The following PUDP variants were observed in gnomAD, a reference collection of about 807,000 sequenced individuals.
PUDP encodes the protein pseudouridine-5'-phosphatase.
In PUDP, 8 loss-of-function variants were observed where a neutral mutation model predicts 9.4. That is an observed-to-expected ratio of 0.85 (90% confidence interval 0.50 to 1.53). The LOEUF is 1.53. Ranked by LOEUF, PUDP falls within the 40% of genes most tolerant of loss-of-function variation. The probability of loss-of-function intolerance (pLI) is 0.00; values close to 1 mark genes in which losing one functional copy is unlikely to be tolerated. For synonymous variants in PUDP, 99 were observed against 80.7 expected (o/e 1.23, Z -1.22); for missense variants, 188 against 189.7 (o/e 0.99, Z 0.05).
intron 3 of PUDP, among the ~76,000 whole-genome samples, chrX:6,879,347 C>T (rs1045889384): frequency 9.0e-6 from 1 of 111,415 alleles, no homozygotes; most frequent in Non-Finnish European, 1.9e-5. Context: ...GTTGATTTTG[C>T]AGAATGGCCT....
intron 1 of PUDP, among the ~76,000 whole-genome samples, chrX:7,037,950 G>T (rs1929874947): frequency 9.0e-6 from 1 of 111,513 alleles, no homozygotes; most frequent in African/African-American, 3.3e-5. Context: ...ATGCAAAAAT[G>T]CTGTTAATGA....
intron 3 of PUDP, among the ~76,000 whole-genome samples, chrX:6,957,120 C>T (rs1394715330): frequency 8.9e-6 from 1 of 111,832 alleles, no homozygotes; most frequent in African/African-American, 3.3e-5. Context: ...GTGCCTTATC[C>T]CAAATAACTG....
chrX:6,931,912 CTA>C (rs1362368906), intron 3 of PUDP, among the ~76,000 whole-genome samples: 4 of 112,014 alleles, frequency 3.6e-5, no homozygotes, highest in Non-Finnish European at 7.5e-5. Flanking sequence ...AAAAACCTCT[CTA>C]ATGAGGTTTT....
At chrX:7,114,678 T>C (rs920892490) in intron 1 of PUDP, among the ~76,000 whole-genome samples, 8 of 111,945 alleles carry the variant, frequency 7.1e-5, no homozygotes, top group Admixed American at 5.7e-4. Context: ...CTCTCAGTGA[T>C]TTGAATGTGT....
chrX:7,122,022 CA>C (rs1425777018), intron 1 of PUDP, among the ~76,000 whole-genome samples: 5 of 111,119 alleles, frequency 4.5e-5, no homozygotes, highest in African/African-American at 1.3e-4. Flanking sequence ...CCTGTCTCTA[CA>C]AAAAACATTT....
intron 3 of PUDP, among the ~76,000 whole-genome samples, chrX:6,784,442 T>G (rs754386627): frequency 1.8e-5 from 2 of 111,318 alleles, no homozygotes; most frequent in East Asian, 2.8e-4. Flanking sequence ...GAATTAGGTC[T>G]TACTCCTAGA....
At chrX:7,084,846 G>A (rs1306879190) in intron 2 of PUDP, 2 of 111,964 alleles carry the variant, frequency 1.8e-5, no homozygotes, top group Non-Finnish European at 3.8e-5. Flanking sequence ...CACGTTGTGT[G>A]TGATAACTAT....
At chrX:6,771,634 T>C (rs1925365442) in intron 3 of PUDP, among the ~76,000 whole-genome samples, 1 of 112,472 alleles carries the variant, frequency 8.9e-6, no homozygotes, top group African/African-American at 3.2e-5. Context: ...GGCTTATGTT[T>C]ATTGACATCA....
At chrX:7,045,025 T>C (rs1929966832), downstream of PUDP, among the ~76,000 whole-genome samples, 1 of 110,924 alleles carries the variant, frequency 9.0e-6, no homozygotes, top group Non-Finnish European at 1.9e-5. Flanking sequence ...TCGCTCTGTG[T>C]CCCCCCCCAA....
intron 3 of PUDP, among the ~76,000 whole-genome samples, chrX:6,814,722 A>C (rs1926199852): frequency 8.9e-6 from 1 of 112,167 alleles, no homozygotes; most frequent in Non-Finnish European, 1.9e-5. Flanking sequence ...ATAAAATTAA[A>C]CACAACATCC....
At chrX:7,100,853 G>A (rs1178986871) in intron 2 of PUDP, among the ~76,000 whole-genome samples, 2 of 112,027 alleles carry the variant, frequency 1.8e-5, no homozygotes, top group East Asian at 2.8e-4. Flanking sequence ...AATTAGGCAC[G>A]GCCTGTCTTT....
intron 3 of PUDP, among the ~76,000 whole-genome samples, chrX:6,964,449 G>A (rs1928752392): frequency 9.0e-6 from 1 of 111,722 alleles, no homozygotes; most frequent in African/African-American, 3.3e-5. Context: ...GAGGAAGACA[G>A]TCTGCTTGAG....
rs758994734 is a variant in PUDP at position 7,059,662 on chromosome X, C to T, written c.511-9190G>A. Among the ~76,000 whole-genome samples the T allele has an allele frequency of 1.2e-3, 132 of 111,981 alleles. 1 individual carries two copies. Among genetic ancestry groups the T allele is most frequent in the African/African-American group, 4.1e-3 (126 of 30,817 alleles). On this transcript the variant is annotated intron_variant, in intron 3 of 3. Coordinates refer to ENST00000381077, the MANE Select transcript of PUDP (RefSeq NM_012080.5). The stretch of plus-strand genomic sequence containing the variant: ...CAAGTTGTGTTTATTTTCAACAGCA[C>T]TTTCGTTATGGAAAAACCACATTTA...
chrX:6,803,060 T>TAAAATAAA lies in PUDP; in HGVS notation c.*248-96595_*248-96594insTTTATTTT, dbSNP rs1474219936. ...ATATAAAATAAAATATAAAATAAAA[T>TAAAATAAA]ATAAAATAAAATAAAATAAAATAAA... is the stretch of plus-strand genomic sequence containing the variant. On this transcript the variant is annotated intron_variant and NMD_transcript_variant, in intron 3 of 3. Transcript: ENST00000655425. Among the ~76,000 whole-genome samples, 2 of 7,919 alleles carry TAAAATAAA rather than the reference T, an allele frequency of 2.5e-4. 1 individual carries two copies. The highest frequency in any genetic ancestry group is 3.8e-4 in the Non-Finnish European group (2 of 5,284). 6.9% of individuals were successfully genotyped at this position (7,919 alleles called of 115,157 possible).
chrX:6,976,935 C>A (rs1602698585), intron 3 of PUDP, among the ~76,000 whole-genome samples: 1 of 112,153 alleles, frequency 8.9e-6, no homozygotes, highest in African/African-American at 3.2e-5. Flanking sequence ...ACTCAAGAGG[C>A]ATTGCAAACA....
At chrX:7,070,571 C>A (rs1569151488) in intron 3 of PUDP, among the ~76,000 whole-genome samples, 1 of 110,581 alleles carries the variant, frequency 9.0e-6, no homozygotes, top group Non-Finnish European at 1.9e-5. Flanking sequence ...CAGCTGGTCA[C>A]CAAATATTAA....
intron 3 of PUDP, among the ~76,000 whole-genome samples, chrX:6,824,297 T>C (rs987388379): frequency 4.5e-5 from 5 of 111,731 alleles, no homozygotes; most frequent in Non-Finnish European, 9.4e-5. Flanking sequence ...GATTGTAAGT[T>C]TCCTGAGGCC....
chrX:7,118,357 AC>A lies in PUDP; in HGVS notation c.62-12520del, dbSNP rs1932251818. Among the ~76,000 whole-genome samples, 4 of 112,374 alleles carry A rather than the reference AC, an allele frequency of 3.6e-5. No homozygotes were observed. The South Asian group carries it at 1.5e-3, about 41-fold the overall frequency. ...GTTAGTGCTGTTAAAGTCCAAAAACACAAAATATATTCCTCTCTTTTAGGTT... is the reference window on the plus strand; with the variant it reads ...GTTAGTGCTGTTAAAGTCCAAAAACAAAAATATATTCCTCTCTTTTAGGTT... On this transcript the variant is annotated intron_variant, in intron 1 of 3. Coordinates refer to ENST00000381077, the MANE Select transcript of PUDP (RefSeq NM_012080.5).
intron 3 of PUDP, among the ~76,000 whole-genome samples, chrX:7,075,964 A>C (rs188513544): frequency 2.7e-5 from 3 of 110,911 alleles, no homozygotes; most frequent in African/African-American, 6.6e-5. Context: ...GTCTTGTGGG[A>C]CTGGGGCCTT....
Sources: allele counts gnomAD v4.1 joint callset (sites outside exome capture counted in the v4.1 genomes callset), GRCh38; gene constraint gnomAD v4.1.1; transcripts MANE v1.5; gene names NCBI Gene and HGNC (gene_info 2026-07-23, HGNC 2026-07-21).